The following SLC68A1 variants were observed in gnomAD, a reference collection of about 807,000 sequenced individuals.
The protein encoded by SLC68A1 is solute carrier family 68 member 1.
chr10:102,465,907 C>G, the SLC68A1 span: 1 of 152,314 alleles, frequency 6.6e-6, no homozygotes, highest in Non-Finnish European at 1.5e-5. Flanking sequence ...TTGCAGTTGG[C>G]ACAGGTCTAC....
At chr10:102,472,963 C>T in the SLC68A1 span, 297 of 1,594,084 alleles carry the variant, frequency 1.9e-4, no homozygotes, top group Non-Finnish European at 2.5e-4. Flanking sequence ...GAGTGTGGAC[C>T]TTGGGTGCTT....
At chr10:102,472,422 C>T in the SLC68A1 span, among the ~76,000 whole-genome samples, 2 of 152,040 alleles carry the variant, frequency 1.3e-5, no homozygotes, top group African/African-American at 4.8e-5. Flanking sequence ...AACACAACAC[C>T]CGACTAAGTT....
At chr10:102,461,763 C>T in the SLC68A1 span, 1 of 152,176 alleles carries the variant, frequency 6.6e-6, no homozygotes, top group African/African-American at 2.4e-5. Context: ...CTGGTCAGGT[C>T]GGGATCCGTG....
chr10:102,472,762 AGTTGGGGGGGATGTGTGTTCCCCT>A, the SLC68A1 span: 1 of 897,894 alleles, frequency 1.1e-6, no homozygotes, highest in Middle Eastern at 2.2e-4. Context: ...GAGGATGGGG[AGTTGGGGGGGATGTGTGTTCCCCT>A]GTTGGCTTCT....
the SLC68A1 span, among the ~76,000 whole-genome samples, chr10:102,463,440 G>A: frequency 6.6e-6 from 1 of 152,142 alleles, no homozygotes; most frequent in Non-Finnish European, 1.5e-5. Flanking sequence ...CCAAGTGCTG[G>A]GATTACAGGC....
the SLC68A1 span, chr10:102,469,299 T>TA: frequency 8.5e-7 from 1 of 1,173,080 alleles, no homozygotes; most frequent in Non-Finnish European, 1.2e-6. Context: ...TCCCACCCAG[T>TA]CAGAGGCCTG....
chr10:102,475,599 A>G, the SLC68A1 span: 4 of 1,137,436 alleles, frequency 3.5e-6, no homozygotes. Flanking sequence ...GTTTGGAGGA[A>G]TCAGGAGTTG....
chr10:102,473,599 A>C, the SLC68A1 span: 69 of 1,612,258 alleles, frequency 4.3e-5, no homozygotes, highest in Non-Finnish European at 5.2e-5. Flanking sequence ...CCATCTCAAC[A>C]ACCTCTACTT....
At chr10:102,470,151 T>C in the SLC68A1 span, 9 of 1,367,196 alleles carry the variant, frequency 6.6e-6, no homozygotes, top group Non-Finnish European at 9.3e-6. Context: ...CCCCTGCCTG[T>C]GTTTGGGGTG....
At chr10:102,467,198 G>A in the SLC68A1 span, among the ~76,000 whole-genome samples, 1 of 152,114 alleles carries the variant, frequency 6.6e-6, no homozygotes, top group African/African-American at 2.4e-5. Context: ...CACCACGCCG[G>A]CTAATTTTTG....
chr10:102,469,198 G>A, the SLC68A1 span: 1 of 1,613,912 alleles, frequency 6.2e-7, no homozygotes, highest in Non-Finnish European at 8.5e-7. Context: ...GGTCGGAGAG[G>A]TAGGGCCAGT....
the SLC68A1 span, among the ~76,000 whole-genome samples, chr10:102,464,789 C>A: frequency 3.0e-3 from 364 of 120,586 alleles, no homozygotes; most frequent in South Asian, 4.3e-3. Context: ...GACTCTGTCT[C>A]AAAAAAAAAA....
the SLC68A1 span, chr10:102,472,055 C>T: frequency 2.2e-6 from 1 of 455,182 alleles, no homozygotes; most frequent in Non-Finnish European, 4.4e-6. Context: ...CCCAGCACTT[C>T]GGGACGCCAA....
At chr10:102,474,039 T>A in the SLC68A1 span, 1 of 1,564,720 alleles carries the variant, frequency 6.4e-7, no homozygotes, top group Non-Finnish European at 8.7e-7. Flanking sequence ...AGGCAAGGGC[T>A]CTTAAGGCTC....
At chr10:102,470,084 A>T in the SLC68A1 span, 23 of 1,612,938 alleles carry the variant, frequency 1.4e-5, no homozygotes, top group African/African-American at 2.4e-4. Flanking sequence ...CGGTTGGTGT[A>T]TTGGGAACAG....
the SLC68A1 span, among the ~76,000 whole-genome samples, chr10:102,464,334 C>T: frequency 6.6e-6 from 1 of 152,114 alleles, no homozygotes; most frequent in Non-Finnish European, 1.5e-5. Context: ...GCCTGTGATC[C>T]CAACCATTTG....
chr10:102,466,312 C>T, the SLC68A1 span, among the ~76,000 whole-genome samples: 1 of 151,754 alleles, frequency 6.6e-6, no homozygotes, highest in Admixed American at 6.6e-5. Context: ...GGTGAAACCC[C>T]ATCTCTACAA....
At chr10:102,467,660 CT>C in the SLC68A1 span, among the ~76,000 whole-genome samples, 71,736 of 151,672 alleles carry the variant, frequency 0.47, 17,599 homozygotes, top group Middle Eastern at 0.62. Flanking sequence ...AGTGCTTCTT[CT>C]TTTTTTCTTT....
At chr10:102,461,443 C>A in the SLC68A1 span, 1 of 152,378 alleles carries the variant, frequency 6.6e-6, no homozygotes, top group African/African-American at 2.4e-5. Flanking sequence ...TCGCCGGCTA[C>A]GATTGCGGTG....
Sources: allele counts gnomAD v4.1 joint callset (sites outside exome capture counted in the v4.1 genomes callset), GRCh38; gene constraint gnomAD v4.1.1; transcripts MANE v1.5; gene names NCBI Gene and HGNC (gene_info 2026-07-23, HGNC 2026-07-21).